The following DIAPH2 variants were observed in gnomAD, a reference collection of about 807,000 sequenced individuals.
DIAPH2 encodes diaphanous related formin 2, also known as protein diaphanous homolog 2.
A neutral mutation model predicts 92.7 loss-of-function variants in DIAPH2; 35 were observed. The ratio of observed to expected loss-of-function variants is 0.38; its 90% CI spans 0.29 to 0.50. The LOEUF (loss-of-function observed/expected upper bound fraction) is 0.50. DIAPH2 is among the 20% of genes least tolerant of loss of function. DIAPH2 has a pLI of 0.94. For synonymous variants in DIAPH2, 301 were observed against 280.4 expected, an observed-to-expected ratio of 1.07 and a Z score of -0.73; for missense variants, 701 against 819.5, an observed-to-expected ratio of 0.86 and a Z score of 1.77.
In DIAPH2 at chrX:96,945,451, G is replaced by C. The variant is rs767926616; in HGVS notation, c.1445-76G>C. On this transcript the variant is annotated intron_variant, in intron 13 of 26. Coordinates refer to ENST00000324765, the MANE Select transcript of DIAPH2 (RefSeq NM_006729.5). ...TAAAAATGATAGTCTGCATTGCAGA[G>C]TTATAGGCTAGAAGACGTCTTTTGT... is the stretch of plus-strand genomic sequence containing the variant. The C allele has an allele frequency of 6.9e-4, 491 of 715,775 alleles. 5 individuals carry two copies. In the East Asian group the frequency reaches 0.017, roughly 25 times the overall value. 59.0% of individuals were successfully genotyped at this position (715,775 alleles called of 1,213,427 possible). A position where few individuals can be genotyped will look rare whatever the true frequency, so the allele number is the denominator to read the frequency against.
intron 24 of DIAPH2, among the ~76,000 whole-genome samples, chrX:97,373,769 G>C (rs1445335314): frequency 9.2e-6 from 1 of 108,927 alleles, no homozygotes; most frequent in African/African-American, 3.3e-5. Context: ...ACCATGCCTG[G>C]CTAATTTTGT....
intron 23 of DIAPH2, among the ~76,000 whole-genome samples, chrX:97,313,732 G>A (rs765369334): frequency 9.1e-5 from 10 of 109,401 alleles, no homozygotes; most frequent in African/African-American, 2.3e-4. Flanking sequence ...TCCACCTCCC[G>A]GGTTCAAGCG....
At chrX:97,040,981 G>A (rs1458868559) in intron 17 of DIAPH2, among the ~76,000 whole-genome samples, 1 of 110,632 alleles carries the variant, frequency 9.0e-6, no homozygotes, top group African/African-American at 3.3e-5. Flanking sequence ...TATCCTTAAA[G>A]TCCATAGTTT....
intron 4 of DIAPH2, among the ~76,000 whole-genome samples, chrX:96,855,052 T>A (rs1413488552): frequency 2.7e-5 from 3 of 111,234 alleles, no homozygotes; most frequent in Non-Finnish European, 3.8e-5. Flanking sequence ...GAATCTAATT[T>A]GTGTTACATT....
At chrX:97,292,632 C>T (rs1459336159) in intron 23 of DIAPH2, among the ~76,000 whole-genome samples, 1 of 107,414 alleles carries the variant, frequency 9.3e-6, no homozygotes, top group Non-Finnish European at 1.9e-5. Context: ...CTGCAACCTC[C>T]GCCTCCTGGG....
chrX:97,475,958 A>C (rs1450782305), intron 26 of DIAPH2, among the ~76,000 whole-genome samples: 1 of 111,942 alleles, frequency 8.9e-6, no homozygotes, highest in Non-Finnish European at 1.9e-5. Context: ...TCATCAGGAA[A>C]ACATTAGAAA....
intron 24 of DIAPH2, among the ~76,000 whole-genome samples, chrX:97,368,722 C>T (rs1481665974): frequency 9.1e-6 from 1 of 109,996 alleles, no homozygotes; most frequent in Non-Finnish European, 1.9e-5. Context: ...TTGGCTATCA[C>T]ATATGCATGC....
At chrX:97,516,464 T>C (rs1335551677) in intron 26 of DIAPH2, among the ~76,000 whole-genome samples, 1 of 111,737 alleles carries the variant, frequency 8.9e-6, no homozygotes, top group African/African-American at 3.3e-5. Flanking sequence ...ATAGGTTTCA[T>C]ATATCCTAGA....
At chrX:97,394,886 T>C (rs2069690799) in intron 25 of DIAPH2, among the ~76,000 whole-genome samples, 1 of 111,579 alleles carries the variant, frequency 9.0e-6, no homozygotes, top group South Asian at 3.8e-4. Flanking sequence ...GAAATGAGTT[T>C]ACCCCTCTTG....
intron 19 of DIAPH2, among the ~76,000 whole-genome samples, chrX:97,077,450 A>G (rs182142487): frequency 1.1e-4 from 12 of 112,635 alleles, no homozygotes; most frequent in African/African-American, 2.6e-4. Context: ...TGTAAGTTCT[A>G]TTTGATTACA....
intron 16 of DIAPH2, 25 bp downstream of exon 16, chrX:96,958,173 T>G: frequency 8.4e-7 from 1 of 1,194,717 alleles, no homozygotes; most frequent in Non-Finnish European, 1.1e-6. Context: ...AGAGTTTTTT[T>G]ACTTTGTCTA....
intron 17 of DIAPH2, among the ~76,000 whole-genome samples, chrX:97,005,705 A>G (rs1021000763): frequency 4.6e-5 from 5 of 109,456 alleles, no homozygotes; most frequent in Non-Finnish European, 7.6e-5. Context: ...TTGCCCGGCT[A>G]ATTTTTTGTA....
chrX:96,805,678 A>G (rs995876071), intron 4 of DIAPH2, among the ~76,000 whole-genome samples: 1 of 111,145 alleles, frequency 9.0e-6, no homozygotes, highest in Non-Finnish European at 1.9e-5. Flanking sequence ...ATTTCACTGT[A>G]ATGTTTCTAT....
At chrX:97,000,595 G>A (rs2066137024) in intron 17 of DIAPH2, among the ~76,000 whole-genome samples, 1 of 104,614 alleles carries the variant, frequency 9.6e-6, no homozygotes. Flanking sequence ...AACATAGCAA[G>A]ATGCCACCCC....
chrX:96,872,654 G>A (rs751454070), intron 4 of DIAPH2, among the ~76,000 whole-genome samples: 3 of 109,040 alleles, frequency 2.8e-5, no homozygotes, highest in Non-Finnish European at 5.7e-5. Flanking sequence ...ACCACGCCCG[G>A]CTAATTTTTT....
chrX:97,095,632 A>C (rs2066863225), intron 19 of DIAPH2, among the ~76,000 whole-genome samples: 1 of 110,775 alleles, frequency 9.0e-6, no homozygotes, highest in Non-Finnish European at 1.9e-5. Flanking sequence ...GAAGACAAAA[A>C]AGAAAGGTTA....
chrX:96,951,147 T>G (rs1030367867), intron 15 of DIAPH2, among the ~76,000 whole-genome samples: 1 of 110,583 alleles, frequency 9.0e-6, no homozygotes, highest in Non-Finnish European at 1.9e-5. Flanking sequence ...CAGCACCCTT[T>G]ATCTCAGAGC....
intron 22 of DIAPH2, among the ~76,000 whole-genome samples, 177 bp downstream of exon 22, chrX:97,141,971 C>A (rs891601215): frequency 8.9e-6 from 1 of 111,889 alleles, no homozygotes; most frequent in Non-Finnish European, 1.9e-5. Context: ...TTTTAATAAC[C>A]TATTTTGTCT....
chrX:96,707,951 G>T (rs2063895830), intron 1 of DIAPH2, among the ~76,000 whole-genome samples: 1 of 111,296 alleles, frequency 9.0e-6, no homozygotes, highest in Non-Finnish European at 1.9e-5. Context: ...ATGAATGGAG[G>T]TTAGGTTCCC....
Sources: allele counts gnomAD v4.1 joint callset (sites outside exome capture counted in the v4.1 genomes callset), GRCh38; gene constraint gnomAD v4.1.1; transcripts MANE v1.5; gene names NCBI Gene and HGNC (gene_info 2026-07-23, HGNC 2026-07-21).